GSAP: variants seen among roughly 807,000 people sequenced by gnomAD.
The protein encoded by GSAP is gamma-secretase-activating protein.
In GSAP, 118 loss-of-function variants were observed where a neutral mutation model predicts 131.7. The ratio of observed to expected loss-of-function variants is 0.90; its 90% CI spans 0.77 to 1.04. The LOEUF (loss-of-function observed/expected upper bound fraction) is 1.04, where lower values mean the gene tolerates loss of function less well. GSAP is among the 50% of genes least tolerant of loss of function. The pLI is 0.00. For missense variants in GSAP, 1,019 were observed against 1,013.2 expected (o/e 1.01, Z -0.08); for synonymous variants, 381 against 363.4 (o/e 1.05, Z -0.55).
intron 16 of GSAP, 135 bp from the exon 17 acceptor site, chr7:77,353,776 A>G (rs1793250172): frequency 1.7e-6 from 1 of 582,336 alleles, no homozygotes; most frequent in South Asian, 2.2e-5. Context: ...ACTCACTTCT[A>G]TACTATCTTC....
intron 1 of GSAP, 32 bp from the exon 2 acceptor site, chr7:77,406,137 A>G: frequency 8.5e-7 from 1 of 1,171,466 alleles, no homozygotes; most frequent in Non-Finnish European, 1.1e-6. Context: ...AATACTCAGC[A>G]GAAGATGGTT....
intron 15 of GSAP, 57 bp from the exon 16 acceptor site, chr7:77,355,487 A>C: frequency 1.3e-6 from 2 of 1,517,408 alleles, no homozygotes; most frequent in Non-Finnish European, 1.8e-6. Context: ...CTTTCACCCA[A>C]ACATAGATAT....
At chr7:77,403,067 A>G (rs1344809125) in intron 3 of GSAP, among the ~76,000 whole-genome samples, 1 of 152,214 alleles carries the variant, frequency 6.6e-6, no homozygotes, top group African/African-American at 2.4e-5. Context: ...GGAGAGAGGA[A>G]TATGACCACA....
At chr7:77,321,810 T>C (rs1487823431) in intron 24 of GSAP, among the ~76,000 whole-genome samples, 1 of 152,170 alleles carries the variant, frequency 6.6e-6, no homozygotes, top group Non-Finnish European at 1.5e-5. Context: ...TCATGAGCTG[T>C]GAAGTAAGAC....
At chr7:77,412,094 G>A (rs747735062) in intron 1 of GSAP, among the ~76,000 whole-genome samples, 1 of 152,200 alleles carries the variant, frequency 6.6e-6, no homozygotes, top group Non-Finnish European at 1.5e-5. Flanking sequence ...CAGGAGAATC[G>A]CTTGAACCCG....
chr7:77,393,719 G>C (rs565594314), intron 5 of GSAP, among the ~76,000 whole-genome samples: 11 of 148,192 alleles, frequency 7.4e-5, no homozygotes, highest in African/African-American at 2.8e-4. Flanking sequence ...TGTCACCCAG[G>C]CTGGAGTACA....
intron 12 of GSAP, among the ~76,000 whole-genome samples, chr7:77,365,515 A>G (rs918729737): frequency 1.3e-5 from 2 of 152,126 alleles, no homozygotes; most frequent in Non-Finnish European, 2.9e-5. Flanking sequence ...TAGTTTGCTA[A>G]GGATAATAGC....
intron 14 of GSAP, 46 bp from the exon 15 acceptor site, chr7:77,355,693 C>G: frequency 9.5e-7 from 1 of 1,056,042 alleles, no homozygotes; most frequent in Non-Finnish European, 1.5e-6. Context: ...GTAAAAGCTG[C>G]ACAGGTACAG....
chr7:77,338,332 T>C (rs1287216079), intron 19 of GSAP, among the ~76,000 whole-genome samples: 1 of 152,322 alleles, frequency 6.6e-6, no homozygotes, highest in African/African-American at 2.4e-5. Flanking sequence ...GCAAGCACCT[T>C]GTTTCAACAT....
At chr7:77,416,591 G>C (rs1021822976), upstream of GSAP, 5 of 324,026 alleles carry the variant, frequency 1.5e-5, no homozygotes, top group African/African-American at 8.6e-5. Flanking sequence ...GGCCCGCCGG[G>C]GCGGGAGGCC....
intron 27 of GSAP, 67 bp from the exon 28 acceptor site, chr7:77,313,616 T>TA (rs1426631329): frequency 1.3e-6 from 1 of 758,844 alleles, no homozygotes; most frequent in East Asian, 2.6e-5. Context: ...AAGTTAATAT[T>TA]AATACTTGAG....
chr7:77,398,458 G>T (rs1477660763), intron 3 of GSAP, among the ~76,000 whole-genome samples: 3 of 152,104 alleles, frequency 2.0e-5, no homozygotes, highest in African/African-American at 7.2e-5. Context: ...TTACTAAGAA[G>T]AATGGGTATA....
chr7:77,408,416 A>G (rs1802666325), intron 1 of GSAP, among the ~76,000 whole-genome samples: 1 of 152,176 alleles, frequency 6.6e-6, no homozygotes, highest in Non-Finnish European at 1.5e-5. Context: ...ATCCAAAATT[A>G]TGGCCGGCAC....
At chr7:77,369,349 C>A (rs1202673854) in intron 12 of GSAP, among the ~76,000 whole-genome samples, 1 of 152,144 alleles carries the variant, frequency 6.6e-6, no homozygotes, top group Non-Finnish European at 1.5e-5. Context: ...AAATAATACA[C>A]AAGTGGCCTG....
chr7:77,386,294 C>T (rs538540929), intron 6 of GSAP, among the ~76,000 whole-genome samples: 3 of 152,266 alleles, frequency 2.0e-5, no homozygotes, highest in South Asian at 2.1e-4. Flanking sequence ...TAATAACATA[C>T]ACAGTTTTGA....
intron 3 of GSAP, among the ~76,000 whole-genome samples, chr7:77,399,208 A>G (rs1800920628): frequency 6.6e-6 from 1 of 152,212 alleles, no homozygotes; most frequent in Non-Finnish European, 1.5e-5. Context: ...CCAAGCATCA[A>G]AAAATCTTCC....
chr7:77,398,069 CAGG>C (rs1800729557), intron 3 of GSAP, among the ~76,000 whole-genome samples: 1 of 151,988 alleles, frequency 6.6e-6, no homozygotes, highest in African/African-American at 2.4e-5. Context: ...AATGCCCATG[CAGG>C]AGGATGTGAT....
intron 7 of GSAP, among the ~76,000 whole-genome samples, chr7:77,381,655 G>A (rs551962047): frequency 4.9e-4 from 75 of 152,122 alleles, no homozygotes; most frequent in Non-Finnish European, 1.0e-3. Flanking sequence ...GCAAGTACTT[G>A]ACTCCCCTAT....
chr7:77,404,892 T>C (rs983782584), intron 2 of GSAP, among the ~76,000 whole-genome samples: 29 of 152,186 alleles, frequency 1.9e-4, no homozygotes, highest in African/African-American at 6.8e-4. Flanking sequence ...ACTTATGTCT[T>C]TGAAAACACA....
Sources: allele counts gnomAD v4.1 joint callset (sites outside exome capture counted in the v4.1 genomes callset), GRCh38; gene constraint gnomAD v4.1.1; transcripts MANE v1.5; gene names NCBI Gene and HGNC (gene_info 2026-07-23, HGNC 2026-07-21).